CECR2: variants seen among roughly 807,000 people sequenced by gnomAD.
The protein encoded by CECR2 is chromatin remodeling regulator CECR2.
In CECR2, 30 loss-of-function variants were observed where a neutral mutation model predicts 154.5. The observed-to-expected ratio is 0.19, with a 90% CI of 0.15 to 0.26. The LOEUF (loss-of-function observed/expected upper bound fraction) is 0.26, where lower values mean the gene tolerates loss of function less well. Ranked by LOEUF, CECR2 falls within the 10% of genes least tolerant of loss-of-function variation. The probability of loss-of-function intolerance (pLI) is 1.00; values close to 1 mark genes in which losing one functional copy is unlikely to be tolerated. For synonymous variants in CECR2, 725 were observed against 683.7 expected, an observed-to-expected ratio of 1.06 and a Z score of -0.94; for missense variants, 1,743 against 1,829.3, an observed-to-expected ratio of 0.95 and a Z score of 0.86.
intron 1 of CECR2, among the ~76,000 whole-genome samples, chr22:17,402,752 T>C (rs934407950): frequency 1.5e-5 from 2 of 130,466 alleles, no homozygotes; most frequent in African/African-American, 6.5e-5. Flanking sequence ...CTTTCTTTTC[T>C]TCTTTTTTTT....
chr22:17,513,904 T>C (rs2056004876), intron 8 of CECR2, among the ~76,000 whole-genome samples: 1 of 150,370 alleles, frequency 6.7e-6, no homozygotes, highest in Non-Finnish European at 1.5e-5. Context: ...AACTTTGGCA[T>C]CAAACACTAA....
intron 9 of CECR2, among the ~76,000 whole-genome samples, chr22:17,529,652 A>C (rs2056323147): frequency 6.6e-6 from 1 of 151,664 alleles, no homozygotes; most frequent in African/African-American, 2.4e-5. Context: ...GTGAGCCGAG[A>C]TCGCCCCACC....
chr22:17,499,380 C>A, intron 3 of CECR2, 30 bp from the exon 4 acceptor site: 1 of 1,593,640 alleles, frequency 6.3e-7, no homozygotes, highest in Non-Finnish European at 8.5e-7. Context: ...TTCCCCATTT[C>A]CCCAAACCCC....
upstream of CECR2, among the ~76,000 whole-genome samples, chr22:17,368,157 C>T (rs1380195552): frequency 6.6e-6 from 1 of 150,876 alleles, no homozygotes; most frequent in African/African-American, 2.5e-5. Flanking sequence ...AAAAATACAA[C>T]AAGTTATTAT....
chr22:17,554,286 G>T lies in CECR2; in HGVS notation c.*1446G>T, dbSNP rs1282308882. 2.6e-5 allele frequency: 4 copies of T among 152,272 alleles called. No homozygotes were observed. Among genetic ancestry groups the T allele is most frequent in the Admixed American group, 2.0e-4 (3 of 15,286 alleles). The allele number at this position is 152,272 out of a possible 1,614,324, so 9.4% of individuals were successfully genotyped here. On this transcript the variant is annotated 3_prime_UTR_variant, in exon 19 of 19. Coordinates refer to ENST00000262608, the MANE Select transcript of CECR2 (RefSeq NM_001290047.2). ...GAAAATACTGAAATTACAGGTCTTTGTAAAGAATAGCATATTTTTAAGCAT... is the reference window on the plus strand; with the variant it reads ...GAAAATACTGAAATTACAGGTCTTTTTAAAGAATAGCATATTTTTAAGCAT...
intron 1 of CECR2, among the ~76,000 whole-genome samples, chr22:17,457,569 A>G (rs902365638): frequency 6.6e-6 from 1 of 152,236 alleles, no homozygotes; most frequent in Non-Finnish European, 1.5e-5. Context: ...TGTCCACTGT[A>G]TCCCCAACAG....
chr22:17,487,261 C>G (rs1159616134), intron 2 of CECR2, among the ~76,000 whole-genome samples: 3 of 152,114 alleles, frequency 2.0e-5, no homozygotes, highest in Non-Finnish European at 4.4e-5. Context: ...GTGGCTCTTT[C>G]AGCACTTTTG....
intron 1 of CECR2, among the ~76,000 whole-genome samples, chr22:17,378,111 G>A (rs1378804547): frequency 2.0e-5 from 3 of 151,336 alleles, no homozygotes; most frequent in Non-Finnish European, 4.4e-5. Context: ...AGCCTCCTGA[G>A]TAGCTGGGAC....
intron 1 of CECR2, among the ~76,000 whole-genome samples, chr22:17,452,837 G>A (rs1182847723): frequency 1.3e-5 from 2 of 152,116 alleles, no homozygotes; most frequent in Non-Finnish European, 2.9e-5. Flanking sequence ...GATCACTAGG[G>A]AGGGAGGAAG....
At chr22:17,510,885 G>A (rs553435902) in intron 7 of CECR2, among the ~76,000 whole-genome samples, 20 of 152,258 alleles carry the variant, frequency 1.3e-4, no homozygotes, top group East Asian at 9.7e-4. Flanking sequence ...GATTACAGGC[G>A]TGAGCCACCC....
chr22:17,443,371 TATCTGTGGAATTA>T (rs545598743), intron 1 of CECR2, among the ~76,000 whole-genome samples: 96 of 152,292 alleles, frequency 6.3e-4, no homozygotes, highest in Middle Eastern at 3.4e-3. Context: ...ATAGTTTTAT[TATCTGTGGAATTA>T]ATCTTAGAAT....
intron 1 of CECR2, among the ~76,000 whole-genome samples, chr22:17,422,863 T>C (rs1322714524): frequency 1.3e-5 from 2 of 152,194 alleles, no homozygotes; most frequent in African/African-American, 4.8e-5. Flanking sequence ...CTTTTCATTT[T>C]TTCTTAGAAT....
In CECR2 at chr22:17,535,443, G is replaced by C. The variant is rs144511395; in HGVS notation, c.1109-1660G>C. 4.5e-3 allele frequency among the ~76,000 whole-genome samples: 684 copies of C among 152,244 alleles called. 5 individuals are homozygous for C. The highest frequency in any genetic ancestry group is 0.015 in the African/African-American group (623 of 41,550). ...TCTGCTGCTGGGTTCACATCTTAGA[G>C]AATCCTTACACACATGCTTGAGAAG... On this transcript the variant is annotated intron_variant, in intron 9 of 18. Coordinates refer to ENST00000262608, the MANE Select transcript of CECR2 (RefSeq NM_001290047.2).
chr22:17,513,798 G>A lies in CECR2; in HGVS notation c.954+1902G>A, dbSNP rs184962567. On this transcript the variant is annotated intron_variant, in intron 8 of 18. Coordinates refer to ENST00000262608, the MANE Select transcript of CECR2 (RefSeq NM_001290047.2). Reference sequence around the variant, plus strand: ...TTGCAAGCTCCCTTTTCTGTTTACTGTTCACTGCTCTGAGTATTCCTAGAT... The same window carrying A: ...TTGCAAGCTCCCTTTTCTGTTTACTATTCACTGCTCTGAGTATTCCTAGAT... 1.0e-3 allele frequency among the ~76,000 whole-genome samples: 158 copies of A among 152,224 alleles called. 1 individual carries two copies. Among genetic ancestry groups the A allele is most frequent in the Non-Finnish European group, 2.8e-4 (19 of 68,012 alleles).
intron 6 of CECR2, among the ~76,000 whole-genome samples, chr22:17,503,461 T>G (rs1211997684): frequency 1.3e-5 from 2 of 152,194 alleles, no homozygotes; most frequent in Admixed American, 1.3e-4. Context: ...ATGGTTTCCT[T>G]ATAGGTTTAC....
rs2056761789 is a variant in CECR2 at position 17,555,399 on chromosome 22, A to G, written c.*2559A>G. ...CTGCGTCCTGTGTGGGAATGTGTCC[A>G]TGCCTTATAGGTACTAGTGCTTCGT... is the stretch of plus-strand genomic sequence containing the variant. On this transcript the variant is annotated 3_prime_UTR_variant, in exon 19 of 19. Transcript: ENST00000262608. 2.0e-5 allele frequency: 3 copies of G among 152,450 alleles called. No homozygotes were observed. The South Asian group carries it at 6.2e-4, about 32-fold the overall frequency. 9.4% of individuals were successfully genotyped at this position (152,450 alleles called of 1,614,324 possible). A position where few individuals can be genotyped will look rare whatever the true frequency, so the allele number is the denominator to read the frequency against.
intron 7 of CECR2, among the ~76,000 whole-genome samples, chr22:17,508,720 T>C (rs1317732909): frequency 6.6e-6 from 1 of 152,070 alleles, no homozygotes; most frequent in Admixed American, 6.5e-5. Flanking sequence ...TGCCATCTAG[T>C]CCCTGAATTC....
chr22:17,462,102 T>C (rs1426413042), intron 1 of CECR2, among the ~76,000 whole-genome samples: 1 of 151,594 alleles, frequency 6.6e-6, no homozygotes, highest in African/African-American at 2.4e-5. Context: ...TACCTGTTAC[T>C]TTTTTAAAGA....
rs1160131625 is a variant in CECR2 at position 17,548,125 on chromosome 22, C to T, written c.2861-23C>T. On this transcript the variant is annotated intron_variant, in intron 16 of 18. Coordinates refer to ENST00000262608, the MANE Select transcript of CECR2 (RefSeq NM_001290047.2). ...TTTCAGCTACTGAGTTATTTTTTCT[C>T]CTCTTTTTTTTTTTTTTTGCAGCAG... 4.2e-6 allele frequency: 6 copies of T among 1,419,516 alleles called. No individual in the cohort carries two copies. The African/African-American group carries it at 8.3e-5, about 20-fold the overall frequency. 87.9% of individuals were successfully genotyped at this position (1,419,516 alleles called of 1,614,324 possible).
Sources: allele counts gnomAD v4.1 joint callset (sites outside exome capture counted in the v4.1 genomes callset), GRCh38; gene constraint gnomAD v4.1.1; transcripts MANE v1.5; gene names NCBI Gene and HGNC (gene_info 2026-07-23, HGNC 2026-07-21).